The following SPATA6 variants were observed in gnomAD, a reference collection of about 807,000 sequenced individuals.
The protein encoded by SPATA6 is spermatogenesis-associated protein 6.
Under a neutral mutation model 65.3 loss-of-function variants are expected in SPATA6, and 56 were observed. That is an observed-to-expected ratio of 0.86 (90% CI 0.69 to 1.07). The LOEUF (loss-of-function observed/expected upper bound fraction) is 1.07. SPATA6 is among the 50% of genes least tolerant of loss of function. The pLI, the probability that SPATA6 is intolerant of heterozygous loss-of-function variation, is 0.00. For missense variants in SPATA6, 590 were observed against 594.8 expected, an observed-to-expected ratio of 0.99 and a Z score of 0.08; for synonymous variants, 199 against 213.2, an observed-to-expected ratio of 0.93 and a Z score of 0.58.
At chr1:48,410,776 T>C (rs1431984975) in intron 5 of SPATA6, among the ~76,000 whole-genome samples, 1 of 152,120 alleles carries the variant, frequency 6.6e-6, no homozygotes, top group Non-Finnish European at 1.5e-5. Flanking sequence ...CTTGCTATCA[T>C]GAGAACAGCA....
At chr1:48,395,526 T>G in intron 7 of SPATA6, among the ~76,000 whole-genome samples, 172 bp from the exon 8 acceptor site, 1 of 151,972 alleles carries the variant, frequency 6.6e-6, no homozygotes, top group Non-Finnish European at 1.5e-5. Context: ...ATTTTGTTGT[T>G]CGTTGCAAAA....
Position 48,403,770 on chromosome 1 carries a change from A to G in SPATA6, c.486+32T>C, listed in dbSNP as rs72895117. 2.8e-3 allele frequency: 4,242 copies of G among 1,510,662 alleles called. 98 individuals are homozygous for G. In the African/African-American group the frequency reaches 0.054, roughly 19 times the overall value. The allele number at this position is 1,510,662 out of a possible 1,614,324, so 93.6% of individuals were successfully genotyped here. ...CCACAAATATGACCAAATAAATTAA[A>G]CCATTAAATACTTTATACAAATAAT... On this transcript the variant is annotated intron_variant, in intron 6 of 12. Transcript: ENST00000371847.
chr1:48,293,828 A>G (rs1051301640), downstream of SPATA6, among the ~76,000 whole-genome samples: 1 of 152,124 alleles, frequency 6.6e-6, no homozygotes, highest in African/African-American at 2.4e-5. Flanking sequence ...CCATATACAC[A>G]CACAAACTTT....
chr1:48,279,669 C>A, the SPATA6 span, among the ~76,000 whole-genome samples: 1 of 152,148 alleles, frequency 6.6e-6, no homozygotes, highest in Non-Finnish European at 1.5e-5. Flanking sequence ...CAGGAGCATG[C>A]AGATTCATAA....
chr1:48,320,307 G>C (rs1645564659), intron 11 of SPATA6, among the ~76,000 whole-genome samples: 1 of 152,150 alleles, frequency 6.6e-6, no homozygotes, highest in Non-Finnish European at 1.5e-5. Context: ...ACTACCTCAA[G>C]ACATTTTACA....
the SPATA6 span, among the ~76,000 whole-genome samples, chr1:48,280,910 T>C: frequency 6.6e-6 from 1 of 152,142 alleles, no homozygotes; most frequent in African/African-American, 2.4e-5. Context: ...ATATCCTTGA[T>C]GAACATTGAT....
At chr1:48,343,725 G>A (rs1015165010) in intron 11 of SPATA6, among the ~76,000 whole-genome samples, 17 of 152,180 alleles carry the variant, frequency 1.1e-4, no homozygotes, top group South Asian at 8.3e-4. Flanking sequence ...CACAGAAGTC[G>A]TATCATCAAA....
chr1:48,445,090 T>C (rs1049831545), intron 3 of SPATA6, among the ~76,000 whole-genome samples: 1 of 152,244 alleles, frequency 6.6e-6, no homozygotes, highest in African/African-American at 2.4e-5. Flanking sequence ...AGTACTAGAA[T>C]AGGTAGCTGA....
chr1:48,440,170 T>TAGAG (rs1655326979), intron 3 of SPATA6, among the ~76,000 whole-genome samples: 1 of 152,044 alleles, frequency 6.6e-6, no homozygotes, highest in African/African-American at 2.4e-5. Flanking sequence ...AAAAACCCTC[T>TAGAG]GGCTATCGGT....
rs775892983 is a variant in SPATA6, at chr1:48,296,407, T to C, written c.*2306A>G. On this transcript the variant is annotated 3_prime_UTR_variant, in exon 13 of 13. Coordinates refer to ENST00000371847, the MANE Select transcript of SPATA6 (RefSeq NM_019073.4). The stretch of plus-strand genomic sequence containing the variant: ...TCAGAAAGACACTAAATTTAATCCA[T>C]AGGAAAACATCTTTCAGAGTATTAG... 6.6e-6 allele frequency: 1 copy of C among 152,204 alleles called. No individual in the cohort carries two copies. Among genetic ancestry groups the C allele is most frequent in the Non-Finnish European group, 1.5e-5 (1 of 68,022 alleles). The allele number at this position is 152,204 out of a possible 1,614,324, so 9.4% of individuals were successfully genotyped here. A position where few individuals can be genotyped will look rare whatever the true frequency, so the allele number is the denominator to read the frequency against.
chr1:48,381,597 AGTTT>A (rs1386570936), intron 9 of SPATA6, among the ~76,000 whole-genome samples: 1 of 150,508 alleles, frequency 6.6e-6, no homozygotes, highest in African/African-American at 2.4e-5. Flanking sequence ...GAAAATAAAT[AGTTT>A]AAGTAAGTAC....
At chr1:48,340,509 TAAA>T (rs147800709) in intron 11 of SPATA6, among the ~76,000 whole-genome samples, 5 of 150,876 alleles carry the variant, frequency 3.3e-5, no homozygotes, top group Non-Finnish European at 3.0e-5. Context: ...AAAAAATTGG[TAAA>T]AAAAATTGTA....
rs561393646 is a variant in SPATA6 at position 48,393,397 on chromosome 1, A to G, written c.868+1870T>C. 7 of 152,268 alleles carry G rather than the reference A, an allele frequency of 4.6e-5. No homozygotes were observed. The East Asian group carries it at 1.4e-3, about 29-fold the overall frequency. The allele number at this position is 152,268 out of a possible 1,614,324, so 9.4% of individuals were successfully genotyped here. ...ACAAAATAGCTGGCTTATGCACTTC[A>G]AAATTATCAATGTCATTAAGCACAA... is the stretch of plus-strand genomic sequence containing the variant. On this transcript the variant is annotated intron_variant, in intron 8 of 12. Coordinates refer to ENST00000371847, the MANE Select transcript of SPATA6 (RefSeq NM_019073.4).
intron 3 of SPATA6, among the ~76,000 whole-genome samples, chr1:48,414,012 T>G (rs112221793): frequency 1.3e-5 from 2 of 152,228 alleles, no homozygotes. Flanking sequence ...TAGACCTCTA[T>G]GTATGGTACA....
chr1:48,429,680 A>ATTT (rs1570549600), intron 3 of SPATA6, among the ~76,000 whole-genome samples: 1 of 152,180 alleles, frequency 6.6e-6, no homozygotes, highest in East Asian at 1.9e-4. Context: ...TATGGCAGAT[A>ATTT]CACTAGAAAA....
intron 3 of SPATA6, among the ~76,000 whole-genome samples, chr1:48,435,404 C>A (rs1022265109): frequency 6.7e-6 from 1 of 150,270 alleles, no homozygotes; most frequent in Non-Finnish European, 1.5e-5. Context: ...TAAAGGACTG[C>A]GAATGCACCA....
chr1:48,435,205 G>C (rs1654787294), intron 3 of SPATA6, among the ~76,000 whole-genome samples: 2 of 152,174 alleles, frequency 1.3e-5, no homozygotes, highest in Non-Finnish European at 2.9e-5. Context: ...GTCCAAGTGA[G>C]AGGTGAAGCC....
chr1:48,355,662 A>G lies in SPATA6; in HGVS notation c.1194+8T>C. On this transcript the variant is annotated splice_region_variant and intron_variant, in intron 11 of 12. Transcript: ENST00000371847. Reference sequence around the variant, plus strand: ...AATAGTCTTCAAAAAAAAATTTTAGAAACTAACATATAAATGTCTTTGATG... The same window carrying G: ...AATAGTCTTCAAAAAAAAATTTTAGGAACTAACATATAAATGTCTTTGATG... The G allele has an allele frequency of 1.3e-6, 2 of 1,597,266 alleles. No homozygotes were observed. Among genetic ancestry groups the G allele is most frequent in the Non-Finnish European group, 1.7e-6 (2 of 1,171,106 alleles).
At chr1:48,383,999 G>A (rs1040031187) in intron 9 of SPATA6, among the ~76,000 whole-genome samples, 6 of 151,174 alleles carry the variant, frequency 4.0e-5, no homozygotes, top group African/African-American at 1.2e-4. Flanking sequence ...GCTGGGAGGT[G>A]GTTGCAGCGA....
Sources: allele counts gnomAD v4.1 joint callset (sites outside exome capture counted in the v4.1 genomes callset), GRCh38; gene constraint gnomAD v4.1.1; transcripts MANE v1.5; gene names NCBI Gene and HGNC (gene_info 2026-07-23, HGNC 2026-07-21).